The following UBE2D1 variants were observed in gnomAD, a reference collection of about 807,000 sequenced individuals.
UBE2D1 encodes ubiquitin-conjugating enzyme E2 D1.
In UBE2D1, 9 loss-of-function variants were observed where a neutral mutation model predicts 24.6. The observed-to-expected ratio is 0.37, with a 90% CI of 0.22 to 0.64. The LOEUF is 0.64. Ranked by LOEUF, UBE2D1 falls within the 30% of genes least tolerant of loss-of-function variation. UBE2D1 has a pLI of 0.64. For synonymous variants in UBE2D1, 57 were observed against 57.6 expected (o/e 0.99, Z 0.04); for missense variants, 87 against 177.1 (o/e 0.49, Z 2.89).
At chr10:58,351,752 C>T (rs946408982) in intron 1 of UBE2D1, among the ~76,000 whole-genome samples, 2 of 152,176 alleles carry the variant, frequency 1.3e-5, no homozygotes, top group Non-Finnish European at 2.9e-5. Flanking sequence ...ATTTATTATG[C>T]ACCATACACA....
intron 1 of UBE2D1, among the ~76,000 whole-genome samples, chr10:58,336,819 A>G (rs1839908369): frequency 6.6e-6 from 1 of 152,188 alleles, no homozygotes; most frequent in Non-Finnish European, 1.5e-5. Context: ...TGCACATACA[A>G]GAGCTTTTTA....
intron 1 of UBE2D1, among the ~76,000 whole-genome samples, chr10:58,343,545 A>G (rs1839984924): frequency 6.6e-6 from 1 of 152,220 alleles, no homozygotes; most frequent in Admixed American, 6.5e-5. Context: ...ACATGTATAC[A>G]TATATAGGGA....
intron 4 of UBE2D1, among the ~76,000 whole-genome samples, chr10:58,364,030 GTTT>G (rs10708236): frequency 7.1e-6 from 1 of 141,622 alleles, no homozygotes. Flanking sequence ...TTCTTTCTCT[GTTT>G]TTTTTTTTTA....
intron 1 of UBE2D1, among the ~76,000 whole-genome samples, chr10:58,348,999 C>T (rs1418224504): frequency 6.6e-6 from 1 of 152,094 alleles, no homozygotes; most frequent in Non-Finnish European, 1.5e-5. Context: ...ATAAACATGC[C>T]ATCTGTGGCA....
intron 1 of UBE2D1, among the ~76,000 whole-genome samples, chr10:58,341,195 T>G (rs1431118551): frequency 1.3e-5 from 2 of 152,230 alleles, no homozygotes; most frequent in Non-Finnish European, 2.9e-5. Context: ...ATCATTGCAT[T>G]GTGAAGTTTT....
At chr10:58,365,619 T>C (rs1217798479) in intron 5 of UBE2D1, among the ~76,000 whole-genome samples, 1 of 152,202 alleles carries the variant, frequency 6.6e-6, no homozygotes, top group Non-Finnish European at 1.5e-5. Context: ...GGTGTATACA[T>C]AGGCATCTCA....
chr10:58,356,907 A>C (rs570481587), intron 1 of UBE2D1, among the ~76,000 whole-genome samples: 1 of 152,284 alleles, frequency 6.6e-6, no homozygotes, highest in East Asian at 1.9e-4. Context: ...GAGATCTTTT[A>C]ATGCAGCATG....
intron 1 of UBE2D1, among the ~76,000 whole-genome samples, chr10:58,353,225 A>G (rs1269919013): frequency 6.6e-6 from 1 of 152,220 alleles, no homozygotes; most frequent in African/African-American, 2.4e-5. Context: ...TTGGAGGGGT[A>G]TAGTTGGGAT....
chr10:58,367,573 T>A (rs1840270326), intron 5 of UBE2D1, among the ~76,000 whole-genome samples: 1 of 152,002 alleles, frequency 6.6e-6, no homozygotes, highest in Non-Finnish European at 1.5e-5. Flanking sequence ...TCCAAAATGG[T>A]TTGGACTGTT....
At chr10:58,347,610 G>T (rs1261158983) in intron 1 of UBE2D1, among the ~76,000 whole-genome samples, 6 of 149,682 alleles carry the variant, frequency 4.0e-5, no homozygotes, top group Admixed American at 6.6e-5. Context: ...CTGTAATTCT[G>T]ACCTCAAGCT....
At chr10:58,354,517 G>A (rs184954403) in intron 1 of UBE2D1, among the ~76,000 whole-genome samples, 3 of 151,918 alleles carry the variant, frequency 2.0e-5, no homozygotes, top group East Asian at 3.9e-4. Flanking sequence ...GTTTCTGTGG[G>A]TTATTTGTAT....
At chr10:58,346,159 C>T (rs1840013839) in intron 1 of UBE2D1, among the ~76,000 whole-genome samples, 1 of 151,868 alleles carries the variant, frequency 6.6e-6, no homozygotes, top group Non-Finnish European at 1.5e-5. Context: ...TACAGGCGTG[C>T]ACCACCATGC....
chr10:58,345,084 C>T (rs1291087165), intron 1 of UBE2D1, among the ~76,000 whole-genome samples: 1 of 151,902 alleles, frequency 6.6e-6, no homozygotes, highest in Non-Finnish European at 1.5e-5. Flanking sequence ...AGGCTGGTCT[C>T]GAACTCCTGA....
intron 1 of UBE2D1, among the ~76,000 whole-genome samples, chr10:58,342,778 A>G (rs912654984): frequency 4.3e-5 from 6 of 140,398 alleles, no homozygotes; most frequent in African/African-American, 1.3e-4. Context: ...AACAAATTCT[A>G]TTATTATTTG....
At chr10:58,364,070 C>T (rs2132332331) in intron 4 of UBE2D1, among the ~76,000 whole-genome samples, 1 of 151,590 alleles carries the variant, frequency 6.6e-6, no homozygotes, top group South Asian at 2.1e-4. Context: ...TCACCGAGTA[C>T]CTACTGTGTT....
chr10:58,367,678 C>T (rs960768199), intron 5 of UBE2D1, among the ~76,000 whole-genome samples: 3 of 151,768 alleles, frequency 2.0e-5, no homozygotes, highest in Admixed American at 1.3e-4. Context: ...AATGGGAACT[C>T]GGAATTTAAA....
intron 1 of UBE2D1, among the ~76,000 whole-genome samples, chr10:58,336,388 A>G (rs771514671): frequency 6.6e-6 from 1 of 152,180 alleles, no homozygotes; most frequent in Non-Finnish European, 1.5e-5. Context: ...GCAATAGTAT[A>G]TGTTAGAGCA....
In UBE2D1 at chr10:58,368,834, ATTGAG is replaced by A; in HGVS notation, c.*70_*74del. ...AGGTTTTTTTCAACATTAGCAGTAA[ATTGAG>A]CACTGTTTACTGTTTCATTGTACCA... On this transcript the variant is annotated 3_prime_UTR_variant, in exon 7 of 7. Transcript: ENST00000373910. 1.9e-6 allele frequency: 2 copies of A among 1,057,614 alleles called. No homozygotes were observed. The highest frequency in any genetic ancestry group is 2.8e-6 in the Non-Finnish European group (2 of 723,996). 65.5% of individuals were successfully genotyped at this position (1,057,614 alleles called of 1,614,324 possible).
At chr10:58,361,573 C>A (rs746716021) in intron 3 of UBE2D1, 47 bp downstream of exon 3, 4 of 1,609,278 alleles carry the variant, frequency 2.5e-6, no homozygotes, top group Non-Finnish European at 2.5e-6. Flanking sequence ...AGCCATACTT[C>A]ATTCTTGCCA....
Sources: gnomAD v4.1 joint callset for allele counts (sites outside exome capture counted in the v4.1 genomes callset) on GRCh38, gnomAD v4.1.1 for gene constraint, MANE v1.5 for transcripts, NCBI Gene and HGNC (gene_info 2026-07-23, HGNC 2026-07-21) for gene names.